Variants in OXR1 observed in about 807,000 individuals in gnomAD.
OXR1 encodes oxidation resistance protein 1.
OXR1 carries 41 observed loss-of-function variants against 104.6 expected under a neutral mutation model. The observed-to-expected ratio is 0.39, with a 90% confidence interval of 0.31 to 0.51. The LOEUF (loss-of-function observed/expected upper bound fraction) is 0.51. Ranked by LOEUF, OXR1 falls within the 20% of genes least tolerant of loss-of-function variation. OXR1 has a pLI of 0.77. For synonymous variants in OXR1, 348 were observed against 348.4 expected (o/e 1.00, Z 0.01); for missense variants, 955 against 1,031.9 (o/e 0.93, Z 1.02).
At chr8:106,343,205 G>A (rs1448081681) in intron 1 of OXR1, among the ~76,000 whole-genome samples, 3 of 152,142 alleles carry the variant, frequency 2.0e-5, no homozygotes, top group African/African-American at 7.2e-5. Flanking sequence ...CCACTGGAAT[G>A]GTGTGTTTTA....
At chr8:106,633,066 T>G (rs1285123344) in intron 3 of OXR1, among the ~76,000 whole-genome samples, 4 of 151,804 alleles carry the variant, frequency 2.6e-5, no homozygotes, top group Non-Finnish European at 5.9e-5. Context: ...AAACCCTGTC[T>G]CTACTAAAAA....
At position 106,270,350 on chromosome 8, in the gene OXR1, C is replaced by T. The variant is rs1014589416; in HGVS notation, c.-156C>T. On this transcript the variant is annotated 5_prime_UTR_variant, in exon 1 of 17. Coordinates refer to ENST00000517566, the MANE Select transcript of OXR1 (RefSeq NM_001198533.2). ...GGCCCGCCGCCGCTCACCGCAGCCC[C>T]CTCCTGGCGACCCGCAAGTAAGTTT... is the stretch of plus-strand genomic sequence containing the variant. The T allele has an allele frequency of 1.3e-5, 2 of 152,482 alleles. No individual in the cohort carries two copies. The highest frequency in any genetic ancestry group is 4.8e-5 in the African/African-American group (2 of 41,446). 9.4% of individuals were successfully genotyped at this position (152,482 alleles called of 1,614,324 possible).
intron 3 of OXR1, among the ~76,000 whole-genome samples, chr8:106,675,673 A>G (rs1415889365): frequency 1.3e-5 from 2 of 152,146 alleles, no homozygotes; most frequent in Non-Finnish European, 2.9e-5. Flanking sequence ...ACTGTTTGCT[A>G]TGATTTTAGT....
intron 3 of OXR1, among the ~76,000 whole-genome samples, chr8:106,532,391 G>T (rs1045261993): frequency 6.6e-6 from 1 of 152,164 alleles, no homozygotes; most frequent in Admixed American, 6.5e-5. Flanking sequence ...ATTCTGGGCA[G>T]CTCTGTAACC....
chr8:106,659,898 T>G (rs925856378), intron 3 of OXR1, among the ~76,000 whole-genome samples: 1 of 152,232 alleles, frequency 6.6e-6, no homozygotes, highest in African/African-American at 2.4e-5. Flanking sequence ...TGATATGTAT[T>G]CCTCTTCTGT....
intron 1 of OXR1, among the ~76,000 whole-genome samples, chr8:106,301,160 T>C (rs1332933396): frequency 6.6e-6 from 1 of 152,280 alleles, no homozygotes; most frequent in Middle Eastern, 3.4e-3. Context: ...ATAAGAACAG[T>C]GAATGCATTA....
At chr8:106,718,878 C>T (rs1832564033) in intron 11 of OXR1, among the ~76,000 whole-genome samples, 1 of 150,394 alleles carries the variant, frequency 6.6e-6, no homozygotes, top group South Asian at 2.1e-4. Context: ...TTAATTGCGT[C>T]AACATGGCTG....
chr8:106,383,760 C>A (rs1954755), intron 2 of OXR1, among the ~76,000 whole-genome samples: 13,627 of 152,148 alleles, frequency 0.09, 679 homozygotes, highest in Middle Eastern at 0.14. Flanking sequence ...TTCTATTTAC[C>A]TACAGGGTCT....
At chr8:106,389,108 A>G (rs889848837) in intron 2 of OXR1, among the ~76,000 whole-genome samples, 6 of 152,332 alleles carry the variant, frequency 3.9e-5, no homozygotes, top group Admixed American at 1.3e-4. Flanking sequence ...CCAAACCTCA[A>G]AAACTCCTGA....
At chr8:106,412,392 A>T (rs1331250801) in intron 2 of OXR1, among the ~76,000 whole-genome samples, 1 of 152,186 alleles carries the variant, frequency 6.6e-6, no homozygotes, top group Non-Finnish European at 1.5e-5. Flanking sequence ...TGTAAATATA[A>T]AAGCTATTTA....
chr8:106,429,171 C>A (rs540559311), intron 2 of OXR1, among the ~76,000 whole-genome samples: 1 of 152,226 alleles, frequency 6.6e-6, no homozygotes, highest in Non-Finnish European at 1.5e-5. Flanking sequence ...ACCACATCTG[C>A]TCACGCTTGT....
At chr8:106,533,486 G>T (rs1282824379) in intron 3 of OXR1, among the ~76,000 whole-genome samples, 1 of 152,060 alleles carries the variant, frequency 6.6e-6, no homozygotes, top group Non-Finnish European at 1.5e-5. Flanking sequence ...ACATTGGTTT[G>T]GTATCTATTA....
At chr8:106,741,413 TAG>T (rs1360841204) in intron 14 of OXR1, among the ~76,000 whole-genome samples, 1 of 152,134 alleles carries the variant, frequency 6.6e-6, no homozygotes, top group African/African-American at 2.4e-5. Flanking sequence ...CTAGAACTAG[TAG>T]TGTTCTGTTT....
At chr8:106,360,398 T>G (rs116565461) in intron 2 of OXR1, among the ~76,000 whole-genome samples, 1,896 of 152,288 alleles carry the variant, frequency 0.012, 35 homozygotes, top group African/African-American at 0.041. Context: ...TCTTTAAGAA[T>G]TCATTTTATC....
At chr8:106,556,032 A>T (rs1280868605) in intron 3 of OXR1, among the ~76,000 whole-genome samples, 1 of 151,558 alleles carries the variant, frequency 6.6e-6, no homozygotes, top group African/African-American at 2.4e-5. Flanking sequence ...ACTTAGTTAA[A>T]TGAAGTAAGA....
Position 106,713,729 on chromosome 8 carries a change from G to A in OXR1, c.1794-94G>A. On this transcript the variant is annotated intron_variant, in intron 10 of 16. Coordinates refer to ENST00000517566, the MANE Select transcript of OXR1 (RefSeq NM_001198533.2). ...ACAATATATTTTGTGTATATTTTAAGTCTTCAAGATTTATCAAGATATTTT... is the reference window on the plus strand; with the variant it reads ...ACAATATATTTTGTGTATATTTTAAATCTTCAAGATTTATCAAGATATTTT... 4.5e-6 allele frequency: 3 copies of A among 660,716 alleles called. No homozygotes were observed. The Middle Eastern group carries it at 8.1e-4, about 178-fold the overall frequency. The allele number at this position is 660,716 out of a possible 1,614,324, so 40.9% of individuals were successfully genotyped here.
chr8:106,423,621 T>C (rs1236394216), intron 2 of OXR1, among the ~76,000 whole-genome samples: 1 of 152,204 alleles, frequency 6.6e-6, no homozygotes, highest in Non-Finnish European at 1.5e-5. Context: ...ATTTGTGCCA[T>C]TATTTAAACT....
intron 4 of OXR1, among the ~76,000 whole-genome samples, chr8:106,680,863 C>A (rs757723525): frequency 6.6e-6 from 1 of 152,240 alleles, no homozygotes; most frequent in Admixed American, 6.5e-5. Flanking sequence ...CATTTCCGTT[C>A]CCTTTCAGTT....
intron 2 of OXR1, among the ~76,000 whole-genome samples, chr8:106,424,323 C>T (rs1819024964): frequency 6.6e-6 from 1 of 152,044 alleles, no homozygotes. Flanking sequence ...TCCAAGTAAA[C>T]TTTTAACATT....
Sources: gnomAD v4.1 joint callset for allele counts (sites outside exome capture counted in the v4.1 genomes callset) on GRCh38, gnomAD v4.1.1 for gene constraint, MANE v1.5 for transcripts, NCBI Gene and HGNC (gene_info 2026-07-23, HGNC 2026-07-21) for gene names.